XYLB: variants seen among roughly 807,000 people sequenced by gnomAD.
XYLB encodes xylulose kinase.
In XYLB, 62 loss-of-function variants were observed where a neutral mutation model predicts 78.7. The ratio of observed to expected loss-of-function variants is 0.79; its 90% confidence interval spans 0.64 to 0.97. The LOEUF (loss-of-function observed/expected upper bound fraction) is 0.97, where lower values mean the gene tolerates loss of function less well. XYLB is among the 50% of genes least tolerant of loss of function. The pLI is 0.00. For missense variants in XYLB, 687 were observed against 676.8 expected, an observed-to-expected ratio of 1.02 and a Z score of -0.17; for synonymous variants, 245 against 247.4, an observed-to-expected ratio of 0.99 and a Z score of 0.09.
chr3:38,444,251 G>C, the XYLB span, among the ~76,000 whole-genome samples: 1 of 152,174 alleles, frequency 6.6e-6, no homozygotes, highest in East Asian at 1.9e-4. Flanking sequence ...AAGGGGACAT[G>C]TACCTGGATT....
At chr3:38,383,688 G>C (rs528484436) in intron 15 of XYLB, among the ~76,000 whole-genome samples, 14 of 152,230 alleles carry the variant, frequency 9.2e-5, no homozygotes, top group African/African-American at 3.4e-4. Context: ...TGGCAGGGGT[G>C]GCAGGAGGCC....
the XYLB span, among the ~76,000 whole-genome samples, chr3:38,437,929 G>T: frequency 2.6e-5 from 4 of 152,306 alleles, no homozygotes; most frequent in Non-Finnish European, 5.9e-5. Context: ...AATTAGCCGG[G>T]TGTGGTGGTG....
chr3:38,351,741 T>C (rs184485155), intron 2 of XYLB, among the ~76,000 whole-genome samples: 4 of 152,376 alleles, frequency 2.6e-5, no homozygotes, highest in Admixed American at 2.0e-4. Flanking sequence ...GTTTGTATTT[T>C]CTAGAATTTT....
chr3:38,371,416 G>C lies in XYLB; in HGVS notation c.766-1239G>C, dbSNP rs189216966. On this transcript the variant is annotated intron_variant, in intron 9 of 18. Transcript: ENST00000207870. ...AGCCTCCCGAGTAGCTGGGACTATA[G>C]GTGCCCGCCACCACGCCTGGCTAAT... 4.2e-3 allele frequency among the ~76,000 whole-genome samples: 647 copies of C among 152,236 alleles called. 5 individuals are homozygous for C. The highest frequency in any genetic ancestry group is 0.02 in the Middle Eastern group (6 of 294).
In XYLB at chr3:38,400,970, C is replaced by T. The variant is rs994422163; in HGVS notation, c.1518C>T (p.Ser506=). The T allele has an allele frequency of 6.2e-7, 1 of 1,614,158 alleles. No homozygotes were observed. The highest frequency in any genetic ancestry group is 1.7e-5 in the Admixed American group (1 of 60,028). Residue 506 remains serine, a synonymous_variant, in exon 18 of 19, where the codon AGC becomes AGT. Coordinates refer to ENST00000207870, the MANE Select transcript of XYLB (RefSeq NM_005108.4). ...ATCCCAGACTAGCTGCTACCCCAAG[C>T]CCGGGAGCTTCTCAGGTGAGAGACC... ...APNPRLAATP[S]PGASQVYEAL...
intron 2 of XYLB, among the ~76,000 whole-genome samples, chr3:38,359,807 C>A (rs1093686): frequency 0.89 from 136,062 of 152,196 alleles, 61,409 homozygotes; most frequent in East Asian, 1. Context: ...GGATTCTGAG[C>A]CTGGTTTTCT....
intron 18 of XYLB, among the ~76,000 whole-genome samples, chr3:38,411,996 T>C (rs1159098836): frequency 1.3e-5 from 2 of 151,346 alleles, no homozygotes; most frequent in African/African-American, 2.4e-5. Flanking sequence ...TTTTTTTTTT[T>C]TTTCTTTTTT....
intron 2 of XYLB, among the ~76,000 whole-genome samples, chr3:38,358,882 A>C (rs1263602333): frequency 6.6e-6 from 1 of 152,184 alleles, no homozygotes; most frequent in Non-Finnish European, 1.5e-5. Context: ...CCAGATATAG[A>C]CCTATAGCTG....
chr3:38,379,262 G>A lies in XYLB; in HGVS notation c.1211G>A (p.Gly404Glu), dbSNP rs200225590. Residue 404 changes from glycine (G) to glutamate (E), a missense_variant, in exon 15 of 19, where the codon GGG (glycine) becomes GAG (glutamate). Physicochemically the swap from Gly to Glu is moderately conservative, Grantham distance 98. Transcript: ENST00000207870. ...TENHKVAAFP[G>E]DVEVRALIEG... ...TGGAGACAGGTTGCAGCATTCCCTG[G>A]GGATGTGGAGGTTCGAGCACTAATT... 3 of 1,614,082 alleles carry A rather than the reference G, an allele frequency of 1.9e-6. No homozygotes were observed. Among genetic ancestry groups the A allele is most frequent in the East Asian group, 4.5e-5 (2 of 44,848 alleles).
At chr3:38,382,191 C>T (rs1375779627) in intron 15 of XYLB, among the ~76,000 whole-genome samples, 3 of 152,040 alleles carry the variant, frequency 2.0e-5, no homozygotes, top group Admixed American at 6.6e-5. Flanking sequence ...ACAAAAAATA[C>T]GAAAATTAGC....
At chr3:38,384,121 C>CA (rs1322339745) in intron 15 of XYLB, among the ~76,000 whole-genome samples, 3 of 152,076 alleles carry the variant, frequency 2.0e-5, no homozygotes, top group Non-Finnish European at 4.4e-5. Context: ...GACTGGAGTG[C>CA]AGTGGTGTGA....
chr3:38,432,543 G>T, the XYLB span, among the ~76,000 whole-genome samples: 3 of 151,978 alleles, frequency 2.0e-5, no homozygotes, highest in African/African-American at 2.4e-5. Context: ...CTCCTGCCTG[G>T]TGACAGAGCT....
chr3:38,367,397 G>A (rs895859713), intron 7 of XYLB, among the ~76,000 whole-genome samples: 2 of 152,186 alleles, frequency 1.3e-5, no homozygotes, highest in African/African-American at 4.8e-5. Flanking sequence ...ACAGCCCCAC[G>A]CCCTGGCTAG....
intron 18 of XYLB, among the ~76,000 whole-genome samples, 170 bp from the exon 19 acceptor site, chr3:38,412,766 G>C (rs984452782): frequency 6.6e-6 from 1 of 152,148 alleles, no homozygotes; most frequent in Non-Finnish European, 1.5e-5. Flanking sequence ...TTAAACTGTA[G>C]GTTTGAGAAC....
Position 38,365,748 on chromosome 3 carries a change from A to T in XYLB, c.507+12A>T. 6.2e-7 allele frequency: 1 copy of T among 1,608,376 alleles called. No homozygotes were observed. The highest frequency in any genetic ancestry group is 8.5e-7 in the Non-Finnish European group (1 of 1,176,884). On this transcript the variant is annotated intron_variant, in intron 6 of 18. Coordinates refer to ENST00000207870, the MANE Select transcript of XYLB (RefSeq NM_005108.4). The stretch of plus-strand genomic sequence containing the variant: ...CCCGTGCCTATGAGGTAGGCTGAGG[A>T]TGCGGGGGGTGCAGGGGGTGGTCTG...
chr3:38,363,452 A>ATGTG (rs60112977), intron 4 of XYLB, among the ~76,000 whole-genome samples: 7 of 151,990 alleles, frequency 4.6e-5, no homozygotes, highest in East Asian at 3.9e-4. Context: ...TTGACTGAGC[A>ATGTG]CTTAGTGCAT....
downstream of XYLB, among the ~76,000 whole-genome samples, chr3:38,421,530 G>T (rs1056402182): frequency 6.6e-6 from 1 of 152,176 alleles, no homozygotes; most frequent in African/African-American, 2.4e-5. Flanking sequence ...AAATATTGCC[G>T]CTGGTTTCCG....
chr3:38,363,053 G>A (rs1575468355), intron 4 of XYLB, 36 bp downstream of exon 4: 2 of 1,485,272 alleles, frequency 1.3e-6, no homozygotes, highest in Non-Finnish European at 1.8e-6. Context: ...CCATGTGAGG[G>A]TGACTGTCCT....
chr3:38,394,276 A>G (rs1042425213), intron 15 of XYLB, among the ~76,000 whole-genome samples: 1 of 152,110 alleles, frequency 6.6e-6, no homozygotes. Flanking sequence ...ATGTAAGTCT[A>G]CCTTACATTT....
Sources: allele counts gnomAD v4.1 joint callset (sites outside exome capture counted in the v4.1 genomes callset), GRCh38; gene constraint gnomAD v4.1.1; transcripts MANE v1.5; gene names NCBI Gene and HGNC (gene_info 2026-07-23, HGNC 2026-07-21).